IQCH: variants seen among roughly 807,000 people sequenced by gnomAD.
IQCH encodes the protein IQ motif containing H, also known as IQ domain-containing protein H.
A neutral mutation model predicts 117.0 loss-of-function variants in IQCH; 98 were observed. The observed-to-expected ratio is 0.84, with a 90% CI of 0.71 to 0.99. IQCH has a LOEUF of 0.99. Ranked by LOEUF, IQCH falls within the 50% of genes least tolerant of loss-of-function variation. IQCH has a pLI of 0.00. For missense variants in IQCH, 1,102 were observed against 1,243.8 expected (o/e 0.89, Z 1.72); for synonymous variants, 412 against 448.2 (o/e 0.92, Z 1.02).
chr15:67,258,602 G>C (rs997228430), intron 1 of IQCH, among the ~76,000 whole-genome samples: 4 of 151,926 alleles, frequency 2.6e-5, no homozygotes, highest in African/African-American at 9.7e-5. Context: ...CTCTAGCAGA[G>C]ATGAAGAAAA....
At position 67,366,287 on chromosome 15, in the gene IQCH, A is replaced by G. The variant is rs552302338; in HGVS notation, c.754-5824A>G. Among the ~76,000 whole-genome samples, 22 of 152,320 alleles carry G rather than the reference A, an allele frequency of 1.4e-4. No homozygotes were observed. In the East Asian group the frequency reaches 2.7e-3, roughly 19 times the overall value. ...TAACTATGTCACATTTTCTCAGAGAATATTAGAGGTATAACAGAAAAGATG... is the reference window on the plus strand; with the variant it reads ...TAACTATGTCACATTTTCTCAGAGAGTATTAGAGGTATAACAGAAAAGATG... On this transcript the variant is annotated intron_variant, in intron 8 of 20. Coordinates refer to ENST00000335894, the MANE Select transcript of IQCH (RefSeq NM_001031715.3). The surrounding 1 kb of genome is among the most constrained non-coding windows in gnomAD (Gnocchi z 4.4).
rs1409766977 is a variant in IQCH, at chr15:67,424,283, C to A, written c.2505+2706C>A. ...GCCTTTTCTTTTGACCTAGTTAGCC[C>A]CTTTTCCAGCCATCACATTTCAGCT... is the stretch of plus-strand genomic sequence containing the variant. On this transcript the variant is annotated intron_variant, in intron 16 of 20. Coordinates refer to ENST00000335894, the MANE Select transcript of IQCH (RefSeq NM_001031715.3). The surrounding 1 kb of genome is among the most constrained non-coding windows in gnomAD (Gnocchi z 4.9). 6.6e-6 allele frequency among the ~76,000 whole-genome samples: 1 copy of A among 152,168 alleles called. No individual in the cohort carries two copies. Among genetic ancestry groups the A allele is most frequent in the Non-Finnish European group, 1.5e-5 (1 of 68,028 alleles).
chr15:67,400,851 T>A (rs995487172), intron 14 of IQCH, among the ~76,000 whole-genome samples: 1 of 152,098 alleles, frequency 6.6e-6, no homozygotes, highest in Non-Finnish European at 1.5e-5. Flanking sequence ...ATCTTGAAAT[T>A]GATTATGATA....
intron 3 of IQCH, among the ~76,000 whole-genome samples, chr15:67,267,035 G>T (rs192493411): frequency 6.6e-6 from 1 of 152,142 alleles, no homozygotes. Flanking sequence ...ATTCTAATGC[G>T]CTGAGAGCAG....
At chr15:67,373,010 A>G (rs1970604894) in intron 9 of IQCH, among the ~76,000 whole-genome samples, 1 of 151,912 alleles carries the variant, frequency 6.6e-6, no homozygotes, top group East Asian at 1.9e-4. Flanking sequence ...CTGGCACTTT[A>G]ATTTGCTCAG....
chr15:67,448,331 A>G (rs2082437470), intron 16 of IQCH, among the ~76,000 whole-genome samples: 1 of 150,688 alleles, frequency 6.6e-6, no homozygotes, highest in African/African-American at 2.4e-5. Context: ...CCATTAACTC[A>G]TCATTTAGCA....
chr15:67,361,682 G>A (rs982782608), intron 8 of IQCH, among the ~76,000 whole-genome samples: 2 of 152,072 alleles, frequency 1.3e-5, no homozygotes, highest in African/African-American at 4.8e-5. Flanking sequence ...CATCGGCTCC[G>A]ACTTTAACAG....
At position 67,278,874 on chromosome 15, in the gene IQCH, AT is replaced by A. The variant is rs373603203; in HGVS notation, c.270-513del. Among the ~76,000 whole-genome samples the A allele has an allele frequency of 6.7e-4, 102 of 152,044 alleles. 4 individuals are homozygous for A. In the East Asian group the frequency reaches 0.012, roughly 18 times the overall value. ...CACAAGTACTCATTCTTACAATTTT[AT>A]TTTTTTTACATTGCTCTCCCATGGA... is the stretch of plus-strand genomic sequence containing the variant. On this transcript the variant is annotated intron_variant, in intron 3 of 20. Transcript: ENST00000335894.
Position 67,385,541 on chromosome 15 carries a change from A to G in IQCH, c.1456+522A>G, listed in dbSNP as rs1332745951. On this transcript the variant is annotated intron_variant, in intron 11 of 20. Transcript: ENST00000335894. The surrounding 1 kb of genome is among the most constrained non-coding windows in gnomAD (Gnocchi z 4.6). The stretch of plus-strand genomic sequence containing the variant: ...TGCTTAATGGAGGGAATTTTTAGAA[A>G]TACAGACCTTGATTCAGTGATGTAT... Among the ~76,000 whole-genome samples the G allele has an allele frequency of 6.6e-6, 1 of 152,192 alleles. No homozygotes were observed. The highest frequency in any genetic ancestry group is 6.5e-5 in the Admixed American group (1 of 15,272).
At chr15:67,276,214 C>T (rs1966114862) in intron 3 of IQCH, among the ~76,000 whole-genome samples, 1 of 152,126 alleles carries the variant, frequency 6.6e-6, no homozygotes, top group South Asian at 2.1e-4. Flanking sequence ...CTAAACACAC[C>T]ATCCATAGAA....
chr15:67,399,156 G>C (rs993142438), intron 13 of IQCH, among the ~76,000 whole-genome samples: 2 of 152,110 alleles, frequency 1.3e-5, no homozygotes, highest in Non-Finnish European at 2.9e-5. Flanking sequence ...ATGAGCATAG[G>C]TTTTGGAGTC....
intron 3 of IQCH, among the ~76,000 whole-genome samples, chr15:67,275,622 A>G (rs1211776737): frequency 6.6e-6 from 1 of 152,192 alleles, no homozygotes; most frequent in Non-Finnish European, 1.5e-5. Flanking sequence ...TCATGCCTGT[A>G]ATCTCAGCAC....
intron 4 of IQCH, among the ~76,000 whole-genome samples, chr15:67,287,052 C>G (rs1003254898): frequency 6.6e-6 from 1 of 152,158 alleles, no homozygotes; most frequent in African/African-American, 2.4e-5. Context: ...GTCCTCTATT[C>G]TGTTGATATG....
Position 67,414,113 on chromosome 15 carries a change from G to T in IQCH, c.2098-2818G>T, listed in dbSNP as rs59226389. Among the ~76,000 whole-genome samples the T allele has an allele frequency of 8.8e-3, 1,334 of 152,324 alleles. 21 individuals carry two copies. Among genetic ancestry groups the T allele is most frequent in the African/African-American group, 0.031 (1,269 of 41,578 alleles). On this transcript the variant is annotated intron_variant, in intron 14 of 20. Coordinates refer to ENST00000335894, the MANE Select transcript of IQCH (RefSeq NM_001031715.3). ...AAAGTCCGCCCAGGAAGAATTTGTG[G>T]TTCTTTAGCAGCCTTCCCTCCAGCT...
chr15:67,335,186 A>T lies in IQCH; in HGVS notation c.388-1789A>T, dbSNP rs188899111. Among the ~76,000 whole-genome samples the T allele has an allele frequency of 1.0e-3, 156 of 152,268 alleles. 1 individual carries two copies. Among genetic ancestry groups the T allele is most frequent in the Admixed American group, 1.8e-3 (27 of 15,294 alleles). On this transcript the variant is annotated intron_variant, in intron 4 of 20. Transcript: ENST00000335894. ...TGAAAGAATTAAAGCAGTGTGATGA[A>T]TGTGCTGATTGCCTGACAGAGTCTG...
In IQCH at chr15:67,393,420, A is replaced by T. The variant is rs1298735812; in HGVS notation, c.1633-1871A>T. On this transcript the variant is annotated intron_variant, in intron 12 of 20. Transcript: ENST00000335894. The surrounding 1 kb of genome is among the most constrained non-coding windows in gnomAD (Gnocchi z 5.5). Reference sequence around the variant, plus strand: ...AGTGAGTAGATAATTTTTCACTAGAATTGGGGTAGTAGATGCTAGTCTATA... The same window carrying T: ...AGTGAGTAGATAATTTTTCACTAGATTTGGGGTAGTAGATGCTAGTCTATA... Among the ~76,000 whole-genome samples the T allele has an allele frequency of 2.6e-5, 4 of 152,210 alleles. No individual in the cohort carries two copies. The highest frequency in any genetic ancestry group is 2.6e-4 in the Admixed American group (4 of 15,284).
rs2082622322 is a variant in IQCH, at chr15:67,454,815, T to C, written c.2506-10312T>C. On this transcript the variant is annotated intron_variant, in intron 16 of 20. Transcript: ENST00000335894. The surrounding 1 kb of genome is among the most constrained non-coding windows in gnomAD (Gnocchi z 5.2). ...TAATTTATTCATCAGTGAATGGGTATTTGGGTTGTGTCCACTTTTTGACTG... is the reference window on the plus strand; with the variant it reads ...TAATTTATTCATCAGTGAATGGGTACTTGGGTTGTGTCCACTTTTTGACTG... 6.6e-6 allele frequency among the ~76,000 whole-genome samples: 1 copy of C among 152,226 alleles called. No individual in the cohort carries two copies. Among genetic ancestry groups the C allele is most frequent in the African/African-American group, 2.4e-5 (1 of 41,450 alleles).
intron 3 of IQCH, among the ~76,000 whole-genome samples, chr15:67,269,523 T>G (rs1965813434): frequency 6.6e-6 from 1 of 152,244 alleles, no homozygotes; most frequent in Non-Finnish European, 1.5e-5. Context: ...TATTTTGAAA[T>G]GTACAGTAGA....
chr15:67,495,664 A>T (rs1322396085), intron 20 of IQCH, among the ~76,000 whole-genome samples: 1 of 152,234 alleles, frequency 6.6e-6, no homozygotes, highest in Non-Finnish European at 1.5e-5. Flanking sequence ...GACTAAGTTG[A>T]TTCTGGGCTT....
Sources: gnomAD v4.1 joint callset for allele counts (sites outside exome capture counted in the v4.1 genomes callset) on GRCh38, gnomAD v4.1.1 for gene constraint, Gnocchi (gnomAD v3.1) non-coding constraint, MANE v1.5 for transcripts, NCBI Gene and HGNC (gene_info 2026-07-23, HGNC 2026-07-21) for gene names.